Variants in BCHE observed in about 807,000 individuals in gnomAD.
BCHE encodes the protein cholinesterase.
BCHE carries 48 observed loss-of-function variants against 51.3 expected under a neutral mutation model. The ratio of observed to expected loss-of-function variants is 0.94; its 90% CI spans 0.74 to 1.19. BCHE has a LOEUF of 1.19. Among genes scored for constraint, BCHE ranks in the 50% most tolerant of loss-of-function variants. BCHE has a pLI of 0.00. For synonymous variants in BCHE, 251 were observed against 238.0 expected (o/e 1.05, Z -0.50); for missense variants, 847 against 708.2 (o/e 1.20, Z -2.23).
At chr3:165,807,479 A>G (rs918589321) in intron 2 of BCHE, among the ~76,000 whole-genome samples, 1 of 151,854 alleles carries the variant, frequency 6.6e-6, no homozygotes, top group African/African-American at 2.4e-5. Context: ...TATTTATTTA[A>G]TAATGATTGA....
intron 1 of BCHE, among the ~76,000 whole-genome samples, chr3:165,832,073 C>T (rs1001695461): frequency 4.8e-4 from 73 of 152,142 alleles, no homozygotes; most frequent in African/African-American, 1.6e-3. Flanking sequence ...GGCCACATGG[C>T]AGAAGCAAAA....
chr3:165,784,516 G>A (rs1003768441), intron 3 of BCHE, among the ~76,000 whole-genome samples: 1 of 152,052 alleles, frequency 6.6e-6, no homozygotes, highest in Non-Finnish European at 1.5e-5. Flanking sequence ...ACCACAGCTA[G>A]GTAGGTATTT....
chr3:165,798,283 G>T (rs542784009), intron 2 of BCHE, among the ~76,000 whole-genome samples: 4 of 152,266 alleles, frequency 2.6e-5, no homozygotes, highest in Admixed American at 2.6e-4. Flanking sequence ...GTGTGTGTGT[G>T]TGTGTAGGTG....
chr3:165,773,604 C>T, intron 3 of BCHE, 98 bp from the exon 4 acceptor site: 1 of 975,966 alleles, frequency 1.0e-6, no homozygotes, highest in Non-Finnish European at 1.6e-6. Flanking sequence ...TCTAACTACA[C>T]AGTACAGCAT....
chr3:165,828,124 A>C (rs1714802257), intron 2 of BCHE: 1 of 451,634 alleles, frequency 2.2e-6, no homozygotes, highest in East Asian at 7.0e-5. Context: ...GAGAGTGAAC[A>C]AGAAGTCTGA....
intron 2 of BCHE, among the ~76,000 whole-genome samples, chr3:165,809,555 A>G (rs929893719): frequency 2.0e-5 from 3 of 152,142 alleles, no homozygotes; most frequent in African/African-American, 7.2e-5. Context: ...GTATATGTCT[A>G]TATAATCCTA....
intron 2 of BCHE, among the ~76,000 whole-genome samples, chr3:165,822,874 T>C (rs1284800898): frequency 3.0e-4 from 45 of 152,146 alleles, no homozygotes; most frequent in Admixed American, 2.8e-3. Flanking sequence ...TGGGATAGTA[T>C]TGACAACATT....
At chr3:165,834,143 A>G (rs547591227) in intron 1 of BCHE, among the ~76,000 whole-genome samples, 1 of 152,066 alleles carries the variant, frequency 6.6e-6, no homozygotes, top group African/African-American at 2.4e-5. Context: ...GTAATTATGA[A>G]ATGTGATGTT....
chr3:165,821,364 T>C (rs565508904), intron 2 of BCHE, among the ~76,000 whole-genome samples: 2 of 151,952 alleles, frequency 1.3e-5, no homozygotes, highest in East Asian at 3.9e-4. Context: ...TAGCACGATT[T>C]CTCCATCCAT....
chr3:165,819,748 T>G (rs200632372), intron 2 of BCHE, among the ~76,000 whole-genome samples: 1 of 151,660 alleles, frequency 6.6e-6, no homozygotes, highest in Admixed American at 6.6e-5. Context: ...ATTCAATAAA[T>G]AATCATTAGC....
At chr3:165,817,404 A>G (rs562502061) in intron 2 of BCHE, among the ~76,000 whole-genome samples, 62 of 152,212 alleles carry the variant, frequency 4.1e-4, no homozygotes, top group African/African-American at 1.4e-3. Flanking sequence ...ATATTTCATA[A>G]CTAAATGTCT....
At chr3:165,802,781 G>A (rs564328726) in intron 2 of BCHE, among the ~76,000 whole-genome samples, 286 of 151,998 alleles carry the variant, frequency 1.9e-3, no homozygotes, top group African/African-American at 6.7e-3. Context: ...TTGCTCTGTC[G>A]CTCAGGCTGG....
intron 2 of BCHE, among the ~76,000 whole-genome samples, chr3:165,808,982 T>C (rs1405555998): frequency 6.6e-6 from 1 of 152,164 alleles, no homozygotes; most frequent in Admixed American, 6.5e-5. Flanking sequence ...CTATCAATTA[T>C]GGAGTAATGT....
In BCHE at chr3:165,830,433, A is replaced by G. The variant is rs766971452; in HGVS notation, c.601T>C (p.Leu201=). The G allele has an allele frequency of 2.5e-6, 4 of 1,613,816 alleles. No individual in the cohort carries two copies. Among genetic ancestry groups the G allele is most frequent in the East Asian group, 2.2e-5 (1 of 44,852 alleles). Residue 201 remains leucine, a synonymous_variant, in exon 2 of 4, where the codon TTG becomes CTG. Transcript: ENST00000264381. The part of the protein sequence containing the change: ...PGNMGLFDQQ[L]ALQWVQKNIA... The stretch of plus-strand genomic sequence containing the variant: ...TTTTTTTGAACCCACTGAAGAGCCA[A>G]CTGTTGATCAAATAAACCCATGTTC...
At position 165,829,963 on chromosome 3, in the gene BCHE, A is replaced by G. The variant is rs376091945; in HGVS notation, c.1071T>C (p.Phe357=). The stretch of plus-strand genomic sequence containing the variant: ...TGAAGCCAGGAGCACCATAGACTAA[A>G]AAAGCTGTCCCTTCATCTTTATTAA... ...VGVNKDEGTA[F]LVYGAPGFSK... The change falls in exon 2 of 4, where the codon TTT becomes TTC. Residue 357 remains phenylalanine (F), a synonymous_variant. Transcript: ENST00000264381. The G allele has an allele frequency of 2.3e-5, 37 of 1,613,672 alleles. No individual in the cohort carries two copies. Among genetic ancestry groups the G allele is most frequent in the Non-Finnish European group, 3.1e-5 (36 of 1,179,894 alleles).
chr3:165,791,785 T>A (rs759130765), intron 2 of BCHE, among the ~76,000 whole-genome samples: 1 of 152,028 alleles, frequency 6.6e-6, no homozygotes, highest in South Asian at 2.1e-4. Flanking sequence ...AAACCCCGTC[T>A]CTACTGAAAA....
chr3:165,830,736 T>A lies in BCHE; in HGVS notation c.298A>T (p.Ser100Cys), dbSNP rs370612464. 2.5e-6 allele frequency: 4 copies of A among 1,613,880 alleles called. No homozygotes were observed. In the African/African-American group the frequency reaches 5.3e-5, roughly 22 times the overall value. Residue 100 changes from serine (S) to cysteine (C), a missense_variant, in exon 2 of 4, where the codon AGT (serine) becomes TGT (cysteine). Transcript: ENST00000264381. ...TCTGATCCATGGAAGCCTGGAAAAC[T>A]TTGATCTATGTTCTGACAGCAAGAA... ...ANSCCQNIDQ[S>C]FPGFHGSEMW...
chr3:165,789,597 T>A (rs1235577691), intron 2 of BCHE, among the ~76,000 whole-genome samples: 3 of 152,126 alleles, frequency 2.0e-5, no homozygotes, highest in Non-Finnish European at 4.4e-5. Flanking sequence ...AGAGAATATA[T>A]TTTAATTAGC....
intron 2 of BCHE, among the ~76,000 whole-genome samples, chr3:165,826,791 T>C (rs917249782): frequency 2.0e-5 from 3 of 152,142 alleles, no homozygotes; most frequent in African/African-American, 7.2e-5. Context: ...TTTGAAGTTC[T>C]GAGGAAGTAG....
Sources: gnomAD v4.1 joint callset for allele counts (sites outside exome capture counted in the v4.1 genomes callset) on GRCh38, gnomAD v4.1.1 for gene constraint, MANE v1.5 for transcripts, NCBI Gene and HGNC (gene_info 2026-07-23, HGNC 2026-07-21) for gene names.